Variants in SUSD6 observed in about 807,000 individuals in gnomAD.
The protein encoded by SUSD6 is sushi domain-containing protein 6.
SUSD6 carries 16 observed loss-of-function variants against 28.4 expected under a neutral mutation model. The ratio of observed to expected loss-of-function variants is 0.56; its 90% CI spans 0.38 to 0.86. The LOEUF is 0.86. Among genes scored for constraint, SUSD6 ranks in the 40% least tolerant of loss-of-function variants. The pLI, the probability that SUSD6 is intolerant of heterozygous loss-of-function variation, is 0.00. For missense variants in SUSD6, 341 were observed against 384.2 expected, an observed-to-expected ratio of 0.89 and a Z score of 0.94; for synonymous variants, 147 against 159.6, an observed-to-expected ratio of 0.92 and a Z score of 0.59.
intron 1 of SUSD6, among the ~76,000 whole-genome samples, chr14:69,615,936 G>A (rs1352501602): frequency 6.6e-6 from 1 of 152,164 alleles, no homozygotes; most frequent in East Asian, 1.9e-4. Context: ...TGTTACTGTC[G>A]CCAGTGTTAG....
chr14:69,663,290 C>A (rs562609793), intron 2 of SUSD6, among the ~76,000 whole-genome samples: 1 of 152,152 alleles, frequency 6.6e-6, no homozygotes, highest in Non-Finnish European at 1.5e-5. Flanking sequence ...TAAAATGTTG[C>A]CATGACATGT....
intron 2 of SUSD6, among the ~76,000 whole-genome samples, chr14:69,669,355 C>T (rs1479505762): frequency 2.6e-5 from 4 of 152,192 alleles, no homozygotes; most frequent in Non-Finnish European, 5.9e-5. Context: ...AGCCAGTGCT[C>T]CTGGCCTCAA....
intron 2 of SUSD6, among the ~76,000 whole-genome samples, chr14:69,684,533 A>AGAT (rs1445855728): frequency 2.0e-5 from 3 of 152,204 alleles, no homozygotes; most frequent in Non-Finnish European, 4.4e-5. Flanking sequence ...TTGCCAAGGG[A>AGAT]GATACTGCCC....
intron 2 of SUSD6, among the ~76,000 whole-genome samples, chr14:69,687,390 C>T (rs948622519): frequency 2.6e-5 from 4 of 152,098 alleles, no homozygotes; most frequent in Non-Finnish European, 5.9e-5. Context: ...GGATTACAGG[C>T]GTGAGCCACT....
At chr14:69,677,312 G>A (rs1329277681) in intron 2 of SUSD6, among the ~76,000 whole-genome samples, 2 of 152,196 alleles carry the variant, frequency 1.3e-5, no homozygotes, top group East Asian at 1.9e-4. Flanking sequence ...TTGGGAGGCC[G>A]AGGCGGGTGG....
At chr14:69,648,592 C>T (rs553897895) in intron 1 of SUSD6, among the ~76,000 whole-genome samples, 1 of 152,220 alleles carries the variant, frequency 6.6e-6, no homozygotes, top group Admixed American at 6.5e-5. Context: ...GGGAATGTAG[C>T]AGAAGGCCTG....
At chr14:69,634,503 C>T (rs143277626) in intron 1 of SUSD6, among the ~76,000 whole-genome samples, 1 of 152,326 alleles carries the variant, frequency 6.6e-6, no homozygotes, top group African/African-American at 2.4e-5. Context: ...AAGCATCATG[C>T]TAACTTTTCC....
At chr14:69,661,131 C>T (rs1885655366) in intron 2 of SUSD6, among the ~76,000 whole-genome samples, 1 of 152,114 alleles carries the variant, frequency 6.6e-6, no homozygotes, top group South Asian at 2.1e-4. Flanking sequence ...CCTGGCATAC[C>T]ACTGTGACCT....
intron 2 of SUSD6, among the ~76,000 whole-genome samples, chr14:69,671,394 C>T (rs1000649058): frequency 6.6e-6 from 1 of 152,096 alleles, no homozygotes; most frequent in Admixed American, 6.6e-5. Flanking sequence ...CCTTCTGGTC[C>T]GAGGGAAGAG....
intron 2 of SUSD6, among the ~76,000 whole-genome samples, chr14:69,686,571 T>C (rs1243783119): frequency 6.6e-6 from 1 of 152,220 alleles, no homozygotes; most frequent in African/African-American, 2.4e-5. Flanking sequence ...AGAGATTTAA[T>C]TGGACTTACA....
At chr14:69,684,458 G>A (rs950112847) in intron 2 of SUSD6, among the ~76,000 whole-genome samples, 4 of 152,224 alleles carry the variant, frequency 2.6e-5, no homozygotes, top group African/African-American at 7.2e-5. Context: ...GGACAAGCAA[G>A]CATAAACATG....
intron 2 of SUSD6, among the ~76,000 whole-genome samples, chr14:69,678,475 G>A (rs1357201007): frequency 6.6e-6 from 1 of 152,020 alleles, no homozygotes; most frequent in African/African-American, 2.4e-5. Context: ...TCTCACTGAT[G>A]GATCTATGGG....
chr14:69,682,166 T>C (rs569862458), intron 2 of SUSD6, among the ~76,000 whole-genome samples: 17 of 152,044 alleles, frequency 1.1e-4, no homozygotes, highest in Non-Finnish European at 2.1e-4. Flanking sequence ...GCCCCATCTC[T>C]ACTAGAAAAA....
At chr14:69,662,002 T>G (rs1362021877) in intron 2 of SUSD6, among the ~76,000 whole-genome samples, 1 of 152,156 alleles carries the variant, frequency 6.6e-6, no homozygotes, top group Non-Finnish European at 1.5e-5. Flanking sequence ...CAGGCTGATC[T>G]CGAACTCCTG....
At chr14:69,614,014 T>A (rs529625396) in intron 1 of SUSD6, among the ~76,000 whole-genome samples, 1 of 152,336 alleles carries the variant, frequency 6.6e-6, no homozygotes, top group Admixed American at 6.5e-5. Flanking sequence ...CTCAGCACTT[T>A]GTCTGTTTTC....
chr14:69,629,069 A>G (rs1293393230), intron 1 of SUSD6, among the ~76,000 whole-genome samples: 1 of 151,592 alleles, frequency 6.6e-6, no homozygotes, highest in Non-Finnish European at 1.5e-5. Context: ...GTGGGGGATG[A>G]GGTGGTGAGG....
At chr14:69,654,766 A>G (rs867393996) in intron 1 of SUSD6, among the ~76,000 whole-genome samples, 36 of 141,974 alleles carry the variant, frequency 2.5e-4, no homozygotes, top group African/African-American at 9.9e-4. Flanking sequence ...ATTAGTTACC[A>G]ATTTCTTTTT....
At chr14:69,636,283 G>A (rs1885265064) in intron 1 of SUSD6, among the ~76,000 whole-genome samples, 1 of 152,228 alleles carries the variant, frequency 6.6e-6, no homozygotes, top group African/African-American at 2.4e-5. Flanking sequence ...GTGACAGTAA[G>A]GGCAGCTAGG....
chr14:69,616,422 G>C (rs1884960431), intron 1 of SUSD6, among the ~76,000 whole-genome samples: 1 of 152,154 alleles, frequency 6.6e-6, no homozygotes, highest in South Asian at 2.1e-4. Flanking sequence ...ACTAGACTAG[G>C]CTTCAGCTTC....
Sources: allele counts gnomAD v4.1 joint callset (sites outside exome capture counted in the v4.1 genomes callset), GRCh38; gene constraint gnomAD v4.1.1; transcripts MANE v1.5; gene names NCBI Gene and HGNC (gene_info 2026-07-23, HGNC 2026-07-21).